HMCN1: variants seen among roughly 807,000 people sequenced by gnomAD.
HMCN1 encodes hemicentin 1, also known as hemicentin-1.
HMCN1 carries 321 observed loss-of-function variants against 625.9 expected under a neutral mutation model. The ratio of observed to expected loss-of-function variants is 0.51; its 90% CI spans 0.47 to 0.56. HMCN1 has a LOEUF of 0.56. Among genes scored for constraint, HMCN1 ranks in the 20% least tolerant of loss-of-function variants. The pLI, the probability that HMCN1 is intolerant of heterozygous loss-of-function variation, is 0.00. For missense variants in HMCN1, 6,588 were observed against 6,887.3 expected (o/e 0.96, Z 1.54); for synonymous variants, 2,425 against 2,417.6 (o/e 1.00, Z -0.09).
At chr1:186,153,577 G>T (rs1558263887) in intron 96 of HMCN1, among the ~76,000 whole-genome samples, 173 bp from the exon 97 acceptor site, 1 of 151,846 alleles carries the variant, frequency 6.6e-6, no homozygotes, top group East Asian at 1.9e-4. Flanking sequence ...AAAGCTATAG[G>T]TATTAAATTA....
At chr1:185,960,165 G>A (rs182259446) in intron 11 of HMCN1, among the ~76,000 whole-genome samples, 174 of 98,700 alleles carry the variant, frequency 1.8e-3, no homozygotes, top group African/African-American at 6.6e-3. Flanking sequence ...TTTTGCTCTT[G>A]TTCTCCAGGC....
intron 73 of HMCN1, 131 bp downstream of exon 73, chr1:186,114,254 T>A: frequency 2.0e-6 from 2 of 981,380 alleles, no homozygotes; most frequent in East Asian, 2.6e-5. Context: ...GAATCAAAAT[T>A]TAGTATTTTA....
chr1:186,084,087 G>A (rs747091037), intron 57 of HMCN1, among the ~76,000 whole-genome samples: 8 of 152,110 alleles, frequency 5.3e-5, no homozygotes, highest in Non-Finnish European at 8.8e-5. Context: ...TGTCAGAAAA[G>A]CATCTTGTAA....
At chr1:185,752,321 G>C (rs1654870950) in intron 1 of HMCN1, among the ~76,000 whole-genome samples, 1 of 151,964 alleles carries the variant, frequency 6.6e-6, no homozygotes, top group Non-Finnish European at 1.5e-5. Context: ...CTCTATTGTA[G>C]CTCTCTGACC....
rs376408328 is a variant in HMCN1 at position 186,130,561 on chromosome 1, G to A, written c.13094G>A (p.Gly4365Glu). The A allele has an allele frequency of 1.1e-5, 17 of 1,613,426 alleles. No individual in the cohort carries two copies. Among genetic ancestry groups the A allele is most frequent in the Non-Finnish European group, 2.5e-6 (3 of 1,179,644 alleles). Residue 4365 changes from glycine (G) to glutamate (E), a missense_variant, in exon 85 of 107, where the codon GGG becomes GAG. By Grantham distance (98) the Gly-to-Glu change is moderately conservative. Coordinates refer to ENST00000271588, the MANE Select transcript of HMCN1 (RefSeq NM_031935.3). ...YPSNWIEPLG[G>E]NAILNCEVKG... is the part of the protein sequence containing the mutation. ...TCTAACTGGATTGAACCACTTGGTG[G>A]GAATGCAATCCTGAATTGTGAGGTG...
At position 186,082,153 on chromosome 1, in the gene HMCN1, A is replaced by G. The variant is rs560407089; in HGVS notation, c.8788-712A>G. Among the ~76,000 whole-genome samples the G allele has an allele frequency of 7.2e-5, 11 of 152,332 alleles. No individual in the cohort carries two copies. In the East Asian group the frequency reaches 1.9e-3, roughly 27 times the overall value. On this transcript the variant is annotated intron_variant, in intron 56 of 106. Transcript: ENST00000271588. ...AAATACTTCAATGGTTCTGTGTCCA[A>G]GTCCAAAAGATATATAGTTGGATAG...
At chr1:186,171,615 T>C (rs1223105632) in intron 101 of HMCN1, among the ~76,000 whole-genome samples, 165 bp downstream of exon 101, 1 of 152,170 alleles carries the variant, frequency 6.6e-6, no homozygotes, top group Non-Finnish European at 1.5e-5. Context: ...AAATGCTGTT[T>C]TATGAGTTTC....
At chr1:185,879,650 T>C (rs1466836906) in intron 4 of HMCN1, among the ~76,000 whole-genome samples, 5 of 152,216 alleles carry the variant, frequency 3.3e-5, no homozygotes, top group East Asian at 1.9e-4. Context: ...CAGGTTCTTA[T>C]GGAGCAAAAG....
rs371572151 is a variant in HMCN1, at chr1:186,136,779, G to A, written c.13424G>A (p.Arg4475His). ...CCTCAACCAACCATTACATGGTCCC[G>A]TCAAGGGCACTCTATTTCCTGGGAT... ...GEPQPTITWSRQGHSISWDDR... is the reference protein window; with the variant it reads ...GEPQPTITWSHQGHSISWDDR... Residue 4475 changes from arginine (R) to histidine (H), a missense_variant, in exon 87 of 107, where the codon CGT (arginine) becomes CAT (histidine). Arg to His is a conservative substitution (Grantham distance 29, BLOSUM62 0). Transcript: ENST00000271588. The A allele has an allele frequency of 3.4e-5, 55 of 1,613,822 alleles. No individual in the cohort carries two copies. The highest frequency in any genetic ancestry group is 1.2e-4 in the Admixed American group (7 of 59,968).
chr1:185,801,910 T>C (rs988135551), intron 1 of HMCN1, among the ~76,000 whole-genome samples: 2 of 152,174 alleles, frequency 1.3e-5, no homozygotes, highest in African/African-American at 2.4e-5. Context: ...AAGGATTTAA[T>C]TGGTAGATTA....
intron 1 of HMCN1, among the ~76,000 whole-genome samples, chr1:185,789,109 C>T (rs532312239): frequency 6.6e-6 from 1 of 152,024 alleles, no homozygotes; most frequent in African/African-American, 2.4e-5. Flanking sequence ...ACTTTTCCAC[C>T]ACTGAAATCT....
intron 68 of HMCN1, among the ~76,000 whole-genome samples, chr1:186,097,673 G>C (rs1660197909): frequency 1.3e-5 from 2 of 151,780 alleles, no homozygotes; most frequent in African/African-American, 4.8e-5. Context: ...AAATACCATT[G>C]GCATTCTTCA....
chr1:185,787,907 C>T (rs1018598045), intron 1 of HMCN1, among the ~76,000 whole-genome samples: 1 of 152,100 alleles, frequency 6.6e-6, no homozygotes, highest in Non-Finnish European at 1.5e-5. Context: ...TAGGTGATAG[C>T]TATAATTGAG....
chr1:185,926,068 C>G (rs1402708751), intron 9 of HMCN1, among the ~76,000 whole-genome samples: 1 of 152,130 alleles, frequency 6.6e-6, no homozygotes, highest in Non-Finnish European at 1.5e-5. Flanking sequence ...CTAGTAATTT[C>G]ATGATAAAAA....
intron 26 of HMCN1, among the ~76,000 whole-genome samples, chr1:186,000,583 G>T (rs1219428532): frequency 6.7e-6 from 1 of 150,140 alleles, no homozygotes; most frequent in Admixed American, 6.6e-5. Context: ...GTGTGTGTGT[G>T]TGTGTGTGTA....
intron 77 of HMCN1, among the ~76,000 whole-genome samples, chr1:186,118,009 A>T (rs942152827): frequency 2.6e-5 from 4 of 152,156 alleles, no homozygotes; most frequent in African/African-American, 7.2e-5. Context: ...CTAAGACAGG[A>T]TATATACTCT....
Position 185,831,154 on chromosome 1 carries a change from T to A in HMCN1, c.269-14872T>A, listed in dbSNP as rs184056996. Among the ~76,000 whole-genome samples, 114 of 152,236 alleles carry A rather than the reference T, an allele frequency of 7.5e-4. 1 individual carries two copies. The highest frequency in any genetic ancestry group is 4.1e-4 in the South Asian group (2 of 4,828). Reference sequence around the variant, plus strand: ...ATGTTCATGCAAATAATTATAAAAATCCTACGTAAAATGTTGCCAAACAAT... The same window carrying A: ...ATGTTCATGCAAATAATTATAAAAAACCTACGTAAAATGTTGCCAAACAAT... On this transcript the variant is annotated intron_variant, in intron 1 of 106. Transcript: ENST00000271588.
intron 54 of HMCN1, among the ~76,000 whole-genome samples, chr1:186,077,197 A>T (rs1301431510): frequency 6.6e-6 from 1 of 152,166 alleles, no homozygotes; most frequent in Non-Finnish European, 1.5e-5. Context: ...AATTGAATGT[A>T]AATTTGACCC....
At chr1:186,187,774 CAGG>C in intron 105 of HMCN1, 106 bp from the exon 106 acceptor site, 1 of 1,406,912 alleles carries the variant, frequency 7.1e-7, no homozygotes, top group Admixed American at 1.7e-5. Flanking sequence ...TCATTCATGG[CAGG>C]AGAAGGCTAG....
Sources: allele counts gnomAD v4.1 joint callset (sites outside exome capture counted in the v4.1 genomes callset), GRCh38; gene constraint gnomAD v4.1.1; transcripts MANE v1.5; gene names NCBI Gene and HGNC (gene_info 2026-07-23, HGNC 2026-07-21).